JADE3: variants seen among roughly 807,000 people sequenced by gnomAD.
The protein encoded by JADE3 is protein Jade-3.
In JADE3, 2 loss-of-function variants were observed where a neutral mutation model predicts 50.1. The observed-to-expected ratio is 0.04, with a 90% CI of 0.02 to 0.13. JADE3 has a LOEUF of 0.13. JADE3 is among the 10% of genes least tolerant of loss of function. The pLI, the probability that JADE3 is intolerant of heterozygous loss-of-function variation, is 1.00. For missense variants in JADE3, 475 were observed against 634.4 expected (o/e 0.75, Z 2.70); for synonymous variants, 218 against 232.9 (o/e 0.94, Z 0.58).
At chrX:47,049,307 C>T (rs181465094) in intron 8 of JADE3, among the ~76,000 whole-genome samples, 315 of 106,069 alleles carry the variant, frequency 3.0e-3, no homozygotes, top group Non-Finnish European at 5.3e-3. Context: ...CTGCCTCAGC[C>T]TCCTGAGTAG....
At chrX:46,963,208 T>C (rs1452448217) in intron 1 of JADE3, among the ~76,000 whole-genome samples, 5 of 111,972 alleles carry the variant, frequency 4.5e-5, no homozygotes, top group Non-Finnish European at 9.4e-5. Flanking sequence ...AGGTACCTTA[T>C]GGCTGCCTTG....
intron 4 of JADE3, among the ~76,000 whole-genome samples, chrX:47,023,104 T>A (rs1339728462): frequency 1.8e-5 from 2 of 111,934 alleles, no homozygotes; most frequent in Admixed American, 9.5e-5. Context: ...GTCCTACAAA[T>A]TTGGCATTTT....
At chrX:46,997,931 A>G (rs1928169683) in intron 3 of JADE3, among the ~76,000 whole-genome samples, 189 bp from the exon 4 acceptor site, 1 of 111,890 alleles carries the variant, frequency 8.9e-6, no homozygotes, top group African/African-American at 3.2e-5. Flanking sequence ...TTAAATCCCA[A>G]ATAAGCTGGC....
At chrX:46,947,830 G>A (rs782060594) in intron 1 of JADE3, among the ~76,000 whole-genome samples, 8 of 111,637 alleles carry the variant, frequency 7.2e-5, no homozygotes, top group Non-Finnish European at 9.4e-5. Context: ...CCTCCATGCC[G>A]TCTCTGGACA....
chrX:46,920,105 A>G (rs1230990771), intron 1 of JADE3, among the ~76,000 whole-genome samples: 3 of 111,473 alleles, frequency 2.7e-5, no homozygotes, highest in Non-Finnish European at 5.6e-5. Flanking sequence ...ATTTTAAGCA[A>G]TGTGAATATA....
chrX:46,913,609 C>T (rs999193659), intron 1 of JADE3, among the ~76,000 whole-genome samples: 1 of 110,567 alleles, frequency 9.0e-6, no homozygotes, highest in Admixed American at 9.6e-5. Flanking sequence ...TTTTAATAGC[C>T]TTCAATCTTT....
At chrX:47,024,948 A>T (rs781821113) in intron 5 of JADE3, 34 bp downstream of exon 5, 1 of 873,787 alleles carries the variant, frequency 1.1e-6, no homozygotes, top group South Asian at 2.7e-5. Context: ...GTTGTGACTT[A>T]ATTCATGTTT....
chrX:46,964,503 A>G (rs782667064), intron 1 of JADE3, among the ~76,000 whole-genome samples: 3 of 112,018 alleles, frequency 2.7e-5, no homozygotes, highest in African/African-American at 6.5e-5. Context: ...CATCCCAGTC[A>G]AAGATGCCAG....
chrX:47,020,058 C>T (rs782352228), intron 4 of JADE3, among the ~76,000 whole-genome samples: 2 of 111,888 alleles, frequency 1.8e-5, no homozygotes, highest in African/African-American at 3.2e-5. Context: ...AGGCCGGGCG[C>T]GGTGGCTCAC....
At chrX:47,034,502 T>TC in intron 7 of JADE3, among the ~76,000 whole-genome samples, 1 of 112,075 alleles carries the variant, frequency 8.9e-6, no homozygotes, top group Non-Finnish European at 1.9e-5. Flanking sequence ...TTTCCTTTGA[T>TC]GGGCATTTGG....
chrX:46,968,967 A>G (rs1409829017), intron 1 of JADE3, among the ~76,000 whole-genome samples: 1 of 112,617 alleles, frequency 8.9e-6, no homozygotes, highest in Non-Finnish European at 1.9e-5. Context: ...GCTTCACCCA[A>G]CAACAGCATA....
chrX:46,978,755 G>A (rs961948428), intron 1 of JADE3, among the ~76,000 whole-genome samples: 1 of 111,233 alleles, frequency 9.0e-6, no homozygotes, highest in Admixed American at 9.6e-5. Flanking sequence ...GGATCAACTT[G>A]GAGTGCTCAT....
Position 46,986,771 on chromosome X carries a change from G to T in JADE3, c.126+979G>T, listed in dbSNP as rs1927873141. ...TTCCACAAAGGGCAGCAAAGTGCCAGCGTTCCTCTTGGACTTGATAATGGT... is the reference window on the plus strand; with the variant it reads ...TTCCACAAAGGGCAGCAAAGTGCCATCGTTCCTCTTGGACTTGATAATGGT... On this transcript the variant is annotated intron_variant, in intron 3 of 10. Transcript: ENST00000614628. Among the ~76,000 whole-genome samples, 3 of 112,000 alleles carry T rather than the reference G, an allele frequency of 2.7e-5. No individual in the cohort carries two copies. The South Asian group carries it at 1.1e-3, about 42-fold the overall frequency.
chrX:46,968,446 C>G (rs1927411905), intron 1 of JADE3, among the ~76,000 whole-genome samples: 1 of 110,874 alleles, frequency 9.0e-6, no homozygotes, highest in South Asian at 3.9e-4. Context: ...CAGTAGTGCA[C>G]ACCTGTAGTC....
chrX:46,947,195 T>C (rs1187447564), intron 1 of JADE3, among the ~76,000 whole-genome samples: 6 of 110,977 alleles, frequency 5.4e-5, no homozygotes, highest in Non-Finnish European at 1.1e-4. Context: ...AATTTTTGTG[T>C]TTTTTGTAGA....
intron 1 of JADE3, among the ~76,000 whole-genome samples, chrX:46,939,635 A>G (rs927221027): frequency 2.3e-4 from 26 of 112,019 alleles, no homozygotes; most frequent in Admixed American, 1.3e-3. Context: ...ATTGCTGTGT[A>G]CTTACAGAAT....
intron 1 of JADE3, among the ~76,000 whole-genome samples, chrX:46,979,335 A>G (rs1204541167): frequency 8.9e-6 from 1 of 112,592 alleles, no homozygotes; most frequent in Non-Finnish European, 1.9e-5. Flanking sequence ...TCCAAAGTAC[A>G]CATACCCAGA....
intron 3 of JADE3, among the ~76,000 whole-genome samples, chrX:46,990,301 T>C (rs1191936348): frequency 9.0e-6 from 1 of 111,656 alleles, no homozygotes; most frequent in Non-Finnish European, 1.9e-5. Context: ...TATTTAAATC[T>C]TCTGTTTTAG....
chrX:46,982,192 C>T (rs1927770006), intron 1 of JADE3, among the ~76,000 whole-genome samples: 1 of 111,232 alleles, frequency 9.0e-6, no homozygotes, highest in Admixed American at 9.6e-5. Context: ...TGCCTAATCA[C>T]TGTTGACCTA....
Sources: allele counts gnomAD v4.1 joint callset (sites outside exome capture counted in the v4.1 genomes callset), GRCh38; gene constraint gnomAD v4.1.1; transcripts MANE v1.5; gene names NCBI Gene and HGNC (gene_info 2026-07-23, HGNC 2026-07-21).